Variants in PAPPA2 observed in about 807,000 individuals in gnomAD.
The protein encoded by PAPPA2 is pappalysin 2.
In PAPPA2, 86 loss-of-function variants were observed where a neutral mutation model predicts 176.4. The observed-to-expected ratio is 0.49, with a 90% CI of 0.41 to 0.58. PAPPA2 has a LOEUF of 0.58. Among genes scored for constraint, PAPPA2 ranks in the 20% least tolerant of loss-of-function variants. PAPPA2 has a pLI of 0.00. For synonymous variants in PAPPA2, 809 were observed against 852.2 expected (o/e 0.95, Z 0.88); for missense variants, 2,073 against 2,256.9 (o/e 0.92, Z 1.65).
intron 2 of PAPPA2, among the ~76,000 whole-genome samples, chr1:176,589,680 G>T (rs1653535558): frequency 6.6e-6 from 1 of 152,086 alleles, no homozygotes; most frequent in African/African-American, 2.4e-5. Flanking sequence ...TCATGTACTG[G>T]TCCCTCTGTT....
chr1:176,787,893 T>C (rs1332302836), intron 17 of PAPPA2, among the ~76,000 whole-genome samples: 1 of 151,960 alleles, frequency 6.6e-6, no homozygotes, highest in African/African-American at 2.4e-5. Context: ...AAACCCCGTC[T>C]TTACTAAAAA....
chr1:176,801,908 C>T (rs1457756507), intron 21 of PAPPA2, among the ~76,000 whole-genome samples: 4 of 152,104 alleles, frequency 2.6e-5, no homozygotes, highest in Non-Finnish European at 4.4e-5. Flanking sequence ...CCTAGGCTGT[C>T]GTCAGTCCCT....
At chr1:176,525,304 A>G (rs1158516357) in intron 1 of PAPPA2, among the ~76,000 whole-genome samples, 1 of 152,184 alleles carries the variant, frequency 6.6e-6, no homozygotes, top group Non-Finnish European at 1.5e-5. Flanking sequence ...CATTTCAAGC[A>G]TTTATCTGTG....
At chr1:176,543,179 A>G (rs1043645309) in intron 1 of PAPPA2, among the ~76,000 whole-genome samples, 1 of 152,194 alleles carries the variant, frequency 6.6e-6, no homozygotes, top group Non-Finnish European at 1.5e-5. Flanking sequence ...GGCACTATAC[A>G]GAAGTGCAGT....
At position 176,743,334 on chromosome 1, in the gene PAPPA2, A is replaced by T. The variant is rs139461546; in HGVS notation, c.4151+3138A>T. Among the ~76,000 whole-genome samples the T allele has an allele frequency of 7.6e-4, 116 of 152,276 alleles. 3 individuals are homozygous for T. The East Asian group carries it at 0.022, about 28-fold the overall frequency. On this transcript the variant is annotated intron_variant, in intron 14 of 22. Transcript: ENST00000367662. ...GGTTCCTTTAACTTGGTTCTGTCTC[A>T]GTCTTGTTTCTCACTCTGTTATGAT...
chr1:176,718,022 T>C (rs1445423786), intron 12 of PAPPA2, among the ~76,000 whole-genome samples: 1 of 152,184 alleles, frequency 6.6e-6, no homozygotes, highest in African/African-American at 2.4e-5. Context: ...TTGTGTAAGG[T>C]TAGTGTTAAT....
intron 12 of PAPPA2, among the ~76,000 whole-genome samples, chr1:176,722,208 G>A (rs993464365): frequency 2.0e-5 from 3 of 151,980 alleles, no homozygotes; most frequent in Non-Finnish European, 4.4e-5. Context: ...TGTTTAGGTT[G>A]ACTTTAAAAC....
rs201225464 is a variant in PAPPA2, at chr1:176,828,725, C to T, written c.5203-11448C>T. On this transcript the variant is annotated intron_variant, in intron 21 of 22. Transcript: ENST00000367662. ...AGTGCTATGAACACTAACAAAAGGC[C>T]GGGCGTGGTGGCTCATGCCCGTAAT... 9.2e-5 allele frequency among the ~76,000 whole-genome samples: 14 copies of T among 152,100 alleles called. No homozygotes were observed. In the East Asian group the frequency reaches 1.7e-3, roughly 19 times the overall value.
At chr1:176,627,586 TG>T (rs1656103219) in intron 3 of PAPPA2, among the ~76,000 whole-genome samples, 2 of 152,216 alleles carry the variant, frequency 1.3e-5, no homozygotes, top group African/African-American at 2.4e-5. Context: ...TTAAAAAAGG[TG>T]TTATTTTCAT....
Position 176,766,833 on chromosome 1 carries a change from A to C in PAPPA2, c.4323+996A>C, listed in dbSNP as rs141270110. On this transcript the variant is annotated intron_variant, in intron 15 of 22. Transcript: ENST00000367662. ...GAGATGATGGTGCTCGAGGAAAAAAACAGAAAGATGTGGTCTCATAAGGAA... is the reference window on the plus strand; with the variant it reads ...GAGATGATGGTGCTCGAGGAAAAAACCAGAAAGATGTGGTCTCATAAGGAA... Among the ~76,000 whole-genome samples, 415 of 152,330 alleles carry C rather than the reference A, an allele frequency of 2.7e-3. 3 individuals carry two copies. The highest frequency in any genetic ancestry group is 5.0e-3 in the Non-Finnish European group (338 of 68,034).
At position 176,556,653 on chromosome 1, in the gene PAPPA2, C is replaced by A. The variant is rs371746775; in HGVS notation, c.331C>A (p.Leu111Met). 15 of 1,614,060 alleles carry A rather than the reference C, an allele frequency of 9.3e-6. No homozygotes were observed. The South Asian group carries it at 1.5e-4, about 17-fold the overall frequency. The change falls in exon 2 of 23, where the codon CTG (leucine) becomes ATG (methionine). Residue 111 changes from leucine (L) to methionine (M), a missense_variant. This residue lies in a region of PAPPA2 where 1,196 missense variants were observed against 1,330.4 expected (regional missense o/e 0.90). Transcript: ENST00000367662. ...GNAVSLVPPD[L>M]TENPAGLRGA... ...TGCTGTGAGCCTTGTTCCCCCAGAC[C>A]TGACTGAAAATCCAGCAGGACTGAG... is the stretch of plus-strand genomic sequence containing the variant.
At chr1:176,599,191 A>G (rs1173234181) in intron 3 of PAPPA2, among the ~76,000 whole-genome samples, 1 of 107,572 alleles carries the variant, frequency 9.3e-6, no homozygotes, top group Non-Finnish European at 2.2e-5. Flanking sequence ...ATGTATGTAC[A>G]TATATATATA....
rs149121846 is a variant in PAPPA2, at chr1:176,674,447, G to C, written c.2137+3332G>C. Among the ~76,000 whole-genome samples, 552 of 152,040 alleles carry C rather than the reference G, an allele frequency of 3.6e-3. 5 individuals carry two copies. The highest frequency in any genetic ancestry group is 8.7e-3 in the South Asian group (42 of 4,820). ...CCTCCTGAGTCCCCAAAGTTCTATT[G>C]TATCATTCTTATGTCTTTACATCCT... On this transcript the variant is annotated intron_variant, in intron 4 of 22. Transcript: ENST00000367662.
chr1:176,644,516 T>G (rs1657282126), intron 3 of PAPPA2, among the ~76,000 whole-genome samples: 1 of 151,836 alleles, frequency 6.6e-6, no homozygotes, highest in Non-Finnish European at 1.5e-5. Context: ...ATTGTACATA[T>G]GACAATGGAA....
At chr1:176,651,128 CT>C (rs1195230223) in intron 3 of PAPPA2, among the ~76,000 whole-genome samples, 1 of 151,562 alleles carries the variant, frequency 6.6e-6, no homozygotes, top group Non-Finnish European at 1.5e-5. Flanking sequence ...ATAGATTTGT[CT>C]TTTGGGCTTT....
chr1:176,581,954 CA>C, intron 2 of PAPPA2, among the ~76,000 whole-genome samples: 1 of 117,360 alleles, frequency 8.5e-6, no homozygotes, highest in East Asian at 2.7e-4. Context: ...GACGGAGTCT[CA>C]CTCTGTTGCC....
At position 176,480,997 on chromosome 1, in the gene PAPPA2, C is replaced by T. The variant is rs143936447; in HGVS notation, c.-917+17579C>T. ...CTGCACCTCCACCCCACAGCGCTTT[C>T]CTCTTGTCACCTCGTTCTGCCCTTG... On this transcript the variant is annotated intron_variant, in intron 1 of 22. Transcript: ENST00000367662. 1.9e-3 allele frequency among the ~76,000 whole-genome samples: 290 copies of T among 152,264 alleles called. 3 individuals carry two copies. The highest frequency in any genetic ancestry group is 6.6e-3 in the African/African-American group (274 of 41,544).
intron 3 of PAPPA2, among the ~76,000 whole-genome samples, chr1:176,617,075 C>G (rs1655305027): frequency 6.6e-6 from 1 of 152,162 alleles, no homozygotes; most frequent in Non-Finnish European, 1.5e-5. Flanking sequence ...CAATTCAACA[C>G]TTTTGTGTCC....
intron 1 of PAPPA2, among the ~76,000 whole-genome samples, chr1:176,532,559 A>G (rs1306859612): frequency 6.6e-6 from 1 of 152,184 alleles, no homozygotes; most frequent in Non-Finnish European, 1.5e-5. Flanking sequence ...GTGGGTAACA[A>G]ATGTGTGCCA....
Sources: gnomAD v4.1 joint callset for allele counts (sites outside exome capture counted in the v4.1 genomes callset) on GRCh38, gnomAD v4.1.1 for gene constraint, gnomAD v4.1.1 regional missense constraint, MANE v1.5 for transcripts, NCBI Gene and HGNC (gene_info 2026-07-23, HGNC 2026-07-21) for gene names.